WDR26: variants seen among roughly 807,000 people sequenced by gnomAD.
WDR26 encodes WD repeat domain 26.
A neutral mutation model predicts 84.1 loss-of-function variants in WDR26; 5 were observed. The ratio of observed to expected loss-of-function variants is 0.06; its 90% CI spans 0.03 to 0.13. The LOEUF is 0.13. Ranked by LOEUF, WDR26 falls within the 10% of genes least tolerant of loss-of-function variation. The pLI, the probability that WDR26 is intolerant of heterozygous loss-of-function variation, is 1.00. For missense variants in WDR26, 642 were observed against 974.9 expected, an observed-to-expected ratio of 0.66 and a Z score of 4.55; for synonymous variants, 415 against 389.6, an observed-to-expected ratio of 1.07 and a Z score of -0.77.
chr1:224,412,011 A>C (rs905942541), intron 6 of WDR26, among the ~76,000 whole-genome samples: 1 of 152,114 alleles, frequency 6.6e-6, no homozygotes, highest in African/African-American at 2.4e-5. Flanking sequence ...AAAAACAAAC[A>C]AACCAAAACC....
intron 6 of WDR26, among the ~76,000 whole-genome samples, chr1:224,414,358 G>A (rs965206322): frequency 6.6e-6 from 1 of 151,868 alleles, no homozygotes; most frequent in African/African-American, 2.4e-5. Flanking sequence ...TCCCCACCTC[G>A]GCCTCCCAAA....
chr1:224,434,607 G>C lies in WDR26; in HGVS notation c.-202C>G. On this transcript the variant is annotated 5_prime_UTR_variant, in exon 1 of 14. Coordinates refer to ENST00000414423, the MANE Select transcript of WDR26 (RefSeq NM_001379403.1). The stretch of plus-strand genomic sequence containing the variant: ...TCCCGGAGGCAGCTCGGGGTGCGCG[G>C]CCCGGGGGTCGCGCCGGGGGGCGCC... The C allele has an allele frequency of 1.9e-6, 1 of 528,096 alleles. No individual in the cohort carries two copies. The highest frequency in any genetic ancestry group is 2.4e-6 in the Non-Finnish European group (1 of 415,278). The allele number at this position is 528,096 out of a possible 1,614,324, so 32.7% of individuals were successfully genotyped here.
chr1:224,407,151 A>AAAAAAGAATAT lies in WDR26; in HGVS notation c.1459-2582_1459-2581insATATTCTTTTT. On this transcript the variant is annotated intron_variant, in intron 7 of 13. Transcript: ENST00000414423. ...AAAAAAAAAAAAAAAAAAAAAAAAA[A>AAAAAAGAATAT]ATATATATATATATATATATAACTC... is the stretch of plus-strand genomic sequence containing the variant. Among the ~76,000 whole-genome samples the AAAAAAGAATAT allele has an allele frequency of 1.7e-4, 2 of 11,876 alleles. 1 individual carries two copies. Among genetic ancestry groups the AAAAAAGAATAT allele is most frequent in the Non-Finnish European group, 2.8e-4 (2 of 7,118 alleles). 7.8% of individuals were successfully genotyped at this position (11,876 alleles called of 152,430 possible).
At chr1:224,404,389 T>C (rs977682862) in intron 8 of WDR26, 41 bp downstream of exon 8, 13 of 1,606,614 alleles carry the variant, frequency 8.1e-6, no homozygotes, top group Middle Eastern at 1.7e-4. Flanking sequence ...ATTATGACTA[T>C]GCTGTACTTA....
At chr1:224,402,883 T>C (rs1184692880) in intron 8 of WDR26, among the ~76,000 whole-genome samples, 1 of 152,180 alleles carries the variant, frequency 6.6e-6, no homozygotes, top group Admixed American at 6.5e-5. Context: ...TTGTGGATTT[T>C]GATCATGAGT....
At chr1:224,395,782 A>G (rs1205009492) in intron 12 of WDR26, among the ~76,000 whole-genome samples, 1 of 152,180 alleles carries the variant, frequency 6.6e-6, no homozygotes, top group Non-Finnish European at 1.5e-5. Context: ...AAGGCAGGAA[A>G]AACCGGGTTT....
Position 224,434,450 on chromosome 1 carries a change from C to A in WDR26, c.-45G>T. 1 of 109,204 alleles carries A rather than the reference C, an allele frequency of 9.2e-6. No homozygotes were observed. 6.8% of individuals were successfully genotyped at this position (109,204 alleles called of 1,614,324 possible). On this transcript the variant is annotated 5_prime_UTR_variant, in exon 1 of 14. Transcript: ENST00000414423. Reference sequence around the variant, plus strand: ...GAGGCGGGGGAGGGGAGGCGGGGGCCGGGGAGAGGGTCGGGGTGAGGGGGG... The same window carrying A: ...GAGGCGGGGGAGGGGAGGCGGGGGCAGGGGAGAGGGTCGGGGTGAGGGGGG...
intron 7 of WDR26, 119 bp downstream of exon 7, chr1:224,411,307 TA>T (rs1386631579): frequency 9.0e-6 from 10 of 1,105,550 alleles, no homozygotes; most frequent in African/African-American, 4.8e-5. Context: ...GTAAAAATGA[TA>T]AAAAATGCTC....
At chr1:224,407,100 C>T (rs13373980) in intron 7 of WDR26, among the ~76,000 whole-genome samples, 3 of 105,828 alleles carry the variant, frequency 2.8e-5, no homozygotes, top group Admixed American at 1.3e-4. Flanking sequence ...CCAGCCTGGG[C>T]GACACAGCGA....
Position 224,424,618 on chromosome 1 carries a change from C to T in WDR26, c.964G>A (p.Glu322Lys), listed in dbSNP as rs767879170. The change falls in exon 4 of 14, where the codon GAA becomes AAA. Residue 322 changes from glutamate to lysine, a missense_variant. By Grantham distance (56) the Glu-to-Lys change is moderately conservative (BLOSUM62 1). Around this residue, in one of 2 missense-constraint regions of WDR26, gnomAD observed 351 missense variants for 672.8 expected, o/e 0.52. Transcript: ENST00000414423. Reference sequence around the variant, plus strand: ...AGGACCTTGCCATCCTCCAGGTATTCTAGGTACTTCTGCTGCAGCAGCAAA... The same window carrying T: ...AGGACCTTGCCATCCTCCAGGTATTTTAGGTACTTCTGCTGCAGCAGCAAA... The T allele has an allele frequency of 6.2e-7, 1 of 1,614,148 alleles. No homozygotes were observed. The highest frequency in any genetic ancestry group is 1.1e-5 in the South Asian group (1 of 91,082).
At chr1:224,418,926 T>G (rs1399043469) in intron 5 of WDR26, among the ~76,000 whole-genome samples, 13 of 152,218 alleles carry the variant, frequency 8.5e-5, no homozygotes, top group Admixed American at 6.5e-4. Flanking sequence ...AGGGAGTAAC[T>G]GGTGTTTTGA....
chr1:224,417,189 A>T (rs1476632243), intron 6 of WDR26, among the ~76,000 whole-genome samples: 3 of 152,220 alleles, frequency 2.0e-5, no homozygotes. Flanking sequence ...TTTTACGGTT[A>T]TTCAGAAGTT....
intron 6 of WDR26, among the ~76,000 whole-genome samples, chr1:224,417,484 C>T (rs1673938541): frequency 6.6e-6 from 1 of 152,178 alleles, no homozygotes; most frequent in East Asian, 1.9e-4. Flanking sequence ...GCAGAAGTAT[C>T]GATTGCTTGA....
chr1:224,431,348 T>C (rs2102926118), intron 3 of WDR26, 129 bp downstream of exon 3: 5 of 724,146 alleles, frequency 6.9e-6, no homozygotes, highest in Middle Eastern at 3.7e-4. Flanking sequence ...ATACTCATCC[T>C]AGTTTACAAA....
In WDR26 at chr1:224,434,382, A is replaced by C. The variant is rs1206616022; in HGVS notation, c.24T>G (p.Thr8=). The stretch of plus-strand genomic sequence containing the variant: ...CGGAGGAGGAGGAAGCGGAGGCCAG[A>C]GTTTCCTCGCCGAGAGAGGCCGTGG... The change falls in exon 1 of 14, where the codon ACT becomes ACG. Residue 8 remains threonine, a synonymous_variant. Coordinates refer to ENST00000414423, the MANE Select transcript of WDR26 (RefSeq NM_001379403.1). The C allele has an allele frequency of 9.2e-7, 1 of 1,087,866 alleles. No homozygotes were observed. The highest frequency in any genetic ancestry group is 1.1e-6 in the Non-Finnish European group (1 of 900,404). The allele number at this position is 1,087,866 out of a possible 1,614,324, so 67.4% of individuals were successfully genotyped here.
intron 7 of WDR26, among the ~76,000 whole-genome samples, chr1:224,407,238 A>G (rs984592136): frequency 2.8e-5 from 4 of 143,466 alleles, no homozygotes; most frequent in Admixed American, 7.0e-5. Flanking sequence ...GTTGAAAACA[A>G]AAACAATACT....
chr1:224,433,546 G>A (rs1432971570), intron 1 of WDR26, 138 bp downstream of exon 1: 3 of 1,221,944 alleles, frequency 2.5e-6, no homozygotes, highest in African/African-American at 1.5e-5. Context: ...CCTGTGTACT[G>A]GGTCCTGCGT....
At chr1:224,422,980 G>A (rs1330626934) in intron 4 of WDR26, among the ~76,000 whole-genome samples, 1 of 152,140 alleles carries the variant, frequency 6.6e-6, no homozygotes, top group East Asian at 1.9e-4. Flanking sequence ...GTCTGTAGAG[G>A]TTAAATTTAT....
chr1:224,427,323 A>AT (rs1320158354), intron 3 of WDR26, among the ~76,000 whole-genome samples: 2 of 151,382 alleles, frequency 1.3e-5, no homozygotes, highest in Non-Finnish European at 2.9e-5. Flanking sequence ...CTTAATATTT[A>AT]TTTTTTTTGG....
Sources: allele counts gnomAD v4.1 joint callset (sites outside exome capture counted in the v4.1 genomes callset), GRCh38; gene constraint gnomAD v4.1.1; regional missense constraint gnomAD v4.1.1; transcripts MANE v1.5; gene names NCBI Gene and HGNC (gene_info 2026-07-23, HGNC 2026-07-21).